The following MRPL21 variants were observed in gnomAD, a reference collection of about 807,000 sequenced individuals.
MRPL21 encodes the protein mitochondrial ribosomal protein L21, also known as large ribosomal subunit protein bL21m.
MRPL21 carries 20 observed loss-of-function variants against 27.3 expected under a neutral mutation model. The observed-to-expected ratio is 0.73, with a 90% CI of 0.52 to 1.06. The LOEUF (loss-of-function observed/expected upper bound fraction) is 1.06, where lower values mean the gene tolerates loss of function less well. MRPL21 is among the 50% of genes least tolerant of loss of function. The pLI is 0.00. For missense variants in MRPL21, 249 were observed against 251.4 expected, an observed-to-expected ratio of 0.99 and a Z score of 0.06; for synonymous variants, 98 against 101.5, an observed-to-expected ratio of 0.97 and a Z score of 0.21.
intron 1 of MRPL21, among the ~76,000 whole-genome samples, chr11:68,901,813 C>T (rs559471434): frequency 6.6e-6 from 1 of 152,298 alleles, no homozygotes; most frequent in East Asian, 1.9e-4. Context: ...TCGTGTCTGA[C>T]GAGCACCTCA....
At chr11:68,895,782 A>G (rs748755923) in intron 4 of MRPL21, among the ~76,000 whole-genome samples, 1 of 152,096 alleles carries the variant, frequency 6.6e-6, no homozygotes, top group African/African-American at 2.4e-5. Context: ...TGATCCTTCT[A>G]CTTCAGCCCC....
chr11:68,901,090 T>A (rs1857923032), intron 1 of MRPL21, among the ~76,000 whole-genome samples: 1 of 152,136 alleles, frequency 6.6e-6, no homozygotes, highest in Non-Finnish European at 1.5e-5. Flanking sequence ...CCCTTTCTGA[T>A]CTCTGGCCTT....
At chr11:68,897,027 C>T (rs1401015834) in intron 3 of MRPL21, among the ~76,000 whole-genome samples, 5 of 152,188 alleles carry the variant, frequency 3.3e-5, no homozygotes, top group African/African-American at 1.2e-4. Flanking sequence ...TGGGCGAAAC[C>T]CTCCACCTGG....
chr11:68,891,935 A>T (rs692898), intron 6 of MRPL21: 1 of 583,392 alleles, frequency 1.7e-6, no homozygotes, highest in Non-Finnish European at 2.7e-6. Flanking sequence ...GATGCCCACT[A>T]TGGGGGATGT....
chr11:68,891,635 C>T (rs1402925589), intron 6 of MRPL21: 1 of 582,876 alleles, frequency 1.7e-6, no homozygotes, highest in East Asian at 2.9e-5. Flanking sequence ...CCTGCGCTGG[C>T]ACCTCACCTC....
rs767865918 is a variant in MRPL21 at position 68,898,009 on chromosome 11, A to AT, written c.149dup (p.Tyr50Ter). Residue 50 changes from tyrosine (Y) to a stop codon, truncating the protein, a stop_gained and frameshift_variant, in exon 3 of 7, where the codon TAT becomes TAAT. Transcript: ENST00000362034. LOFTEE classifies it high-confidence loss of function. ...NSQSTSYLPGYVPKTSLSSPP... is the reference protein window; with the variant it reads ...NSQSTSYLPG The stretch of plus-strand genomic sequence containing the variant: ...GTGAACTCAGGGATGTTTTAGGAAC[A>AT]TATCTGTAAAACACATTTCGTAGAC... 1.2e-6 allele frequency: 2 copies of AT among 1,613,672 alleles called. No individual in the cohort carries two copies. Among genetic ancestry groups the AT allele is most frequent in the African/African-American group, 2.7e-5 (2 of 74,932 alleles).
intron 4 of MRPL21, among the ~76,000 whole-genome samples, chr11:68,894,004 C>T (rs1319795796): frequency 1.3e-5 from 2 of 151,632 alleles, no homozygotes; most frequent in Non-Finnish European, 2.9e-5. Flanking sequence ...CCAGCCTGGG[C>T]GACAGAGCGA....
At chr11:68,902,218 ATG>A (rs1857958364) in intron 1 of MRPL21, among the ~76,000 whole-genome samples, 1 of 152,096 alleles carries the variant, frequency 6.6e-6, no homozygotes, top group South Asian at 2.1e-4. Context: ...TTCTCTCCTA[ATG>A]CGTGAGTCTG....
At chr11:68,902,971 C>G (rs765521833) in intron 1 of MRPL21, among the ~76,000 whole-genome samples, 1 of 152,170 alleles carries the variant, frequency 6.6e-6, no homozygotes, top group Non-Finnish European at 1.5e-5. Context: ...CTTCATGACT[C>G]ATTTCTTTTT....
chr11:68,892,028 T>G, intron 6 of MRPL21: 1 of 1,224,098 alleles, frequency 8.2e-7, no homozygotes, highest in Non-Finnish European at 1.1e-6. Flanking sequence ...GCGTCATGGG[T>G]TGGAACAAAG....
intron 1 of MRPL21, among the ~76,000 whole-genome samples, chr11:68,903,248 T>A (rs536523340): frequency 6.6e-6 from 1 of 152,302 alleles, no homozygotes; most frequent in South Asian, 2.1e-4. Context: ...TTAACGGACA[T>A]AACCTTTTTG....
At chr11:68,899,779 C>T (rs955515965) in intron 2 of MRPL21, among the ~76,000 whole-genome samples, 12 of 152,346 alleles carry the variant, frequency 7.9e-5, no homozygotes, top group Non-Finnish European at 7.3e-5. Context: ...CCACATCTCC[C>T]CACTGCAGAG....
chr11:68,893,242 C>A, intron 5 of MRPL21, 161 bp downstream of exon 5: 1 of 1,451,100 alleles, frequency 6.9e-7, no homozygotes, highest in South Asian at 1.4e-5. Context: ...TGGATGTTCT[C>A]ATGGGCCCTA....
chr11:68,899,383 C>T lies in MRPL21; in HGVS notation c.146+1165G>A, dbSNP rs1278705285. Among the ~76,000 whole-genome samples, 3 of 152,298 alleles carry T rather than the reference C, an allele frequency of 2.0e-5. No individual in the cohort carries two copies. The East Asian group carries it at 5.8e-4, about 29-fold the overall frequency. ...ATGCAAAATGCACCGGCCTCCACAC[C>T]AAAGACCAGGCCCACCCGTCCTGTT... On this transcript the variant is annotated intron_variant, in intron 2 of 6. Transcript: ENST00000362034.
Position 68,901,637 on chromosome 11 carries a change from A to C in MRPL21, c.89-1032T>G, listed in dbSNP as rs371129029. On this transcript the variant is annotated intron_variant, in intron 1 of 6. Transcript: ENST00000362034. ...CTCCCATTTGGGCATCCGGGGCTCAACCCTTGGCCTTGACCTCCTCTCCGC... is the reference window on the plus strand; with the variant it reads ...CTCCCATTTGGGCATCCGGGGCTCACCCCTTGGCCTTGACCTCCTCTCCGC... Among the ~76,000 whole-genome samples, 4 of 151,644 alleles carry C rather than the reference A, an allele frequency of 2.6e-5. 1 individual carries two copies. In the South Asian group the frequency reaches 8.3e-4, roughly 32 times the overall value.
intron 6 of MRPL21, 32 bp downstream of exon 6, chr11:68,892,858 A>G: frequency 6.3e-7 from 1 of 1,599,878 alleles, no homozygotes; most frequent in Non-Finnish European, 8.5e-7. Flanking sequence ...AGCACCGTGC[A>G]ACAGGGCCCA....
intron 3 of MRPL21, 187 bp downstream of exon 3, chr11:68,897,740 T>C: frequency 3.4e-6 from 2 of 596,432 alleles, no homozygotes; most frequent in Non-Finnish European, 6.1e-6. Flanking sequence ...CAAGGAGTAG[T>C]TAATGAAAAA....
chr11:68,902,242 A>T (rs1295593011), intron 1 of MRPL21, among the ~76,000 whole-genome samples: 1 of 152,202 alleles, frequency 6.6e-6, no homozygotes. Flanking sequence ...ACTTGAACAT[A>T]GCATTGGAGG....
intron 6 of MRPL21, chr11:68,891,964 A>T: frequency 2.7e-6 from 2 of 748,848 alleles, no homozygotes; most frequent in Non-Finnish European, 3.9e-6. Context: ...CAGACCTGCT[A>T]GGACAGCCCT....
Sources: gnomAD v4.1 joint callset for allele counts (sites outside exome capture counted in the v4.1 genomes callset) on GRCh38, gnomAD v4.1.1 for gene constraint, MANE v1.5 for transcripts, NCBI Gene and HGNC (gene_info 2026-07-23, HGNC 2026-07-21) for gene names.